Variants in GNAQ observed in about 807,000 individuals in gnomAD.
GNAQ encodes G protein subunit alpha q, also known as guanine nucleotide-binding protein G(q) subunit alpha.
In GNAQ, 8 loss-of-function variants were observed where a neutral mutation model predicts 43.9. The observed-to-expected ratio is 0.18, with a 90% CI of 0.11 to 0.33. GNAQ has a LOEUF of 0.33. Among genes scored for constraint, GNAQ ranks in the 10% least tolerant of loss-of-function variants. The probability of loss-of-function intolerance (pLI) is 1.00; values close to 1 mark genes in which losing one functional copy is unlikely to be tolerated. For missense variants in GNAQ, 158 were observed against 450.8 expected, an observed-to-expected ratio of 0.35 and a Z score of 5.88; for synonymous variants, 155 against 170.7, an observed-to-expected ratio of 0.91 and a Z score of 0.71.
chr9:77,924,348 A>G (rs528905073), intron 1 of GNAQ, among the ~76,000 whole-genome samples: 1 of 152,302 alleles, frequency 6.6e-6, no homozygotes, highest in South Asian at 2.1e-4. Flanking sequence ...CAAGCAATTA[A>G]AAGTATACAA....
At chr9:77,776,722 G>A (rs886230866) in intron 5 of GNAQ, among the ~76,000 whole-genome samples, 2 of 152,100 alleles carry the variant, frequency 1.3e-5, no homozygotes, top group African/African-American at 2.4e-5. Context: ...GAAAAATACT[G>A]TAATCCAACT....
In GNAQ at chr9:77,918,151, T is replaced by C. The variant is rs111571155; in HGVS notation, c.321+4010A>G. Among the ~76,000 whole-genome samples the C allele has an allele frequency of 8.4e-3, 1,285 of 152,250 alleles. 20 individuals carry two copies. Among genetic ancestry groups the C allele is most frequent in the African/African-American group, 0.03 (1,233 of 41,546 alleles). On this transcript the variant is annotated intron_variant, in intron 2 of 6. Coordinates refer to ENST00000286548, the MANE Select transcript of GNAQ (RefSeq NM_002072.5). ...GAATCAATTTCACAGCAAACAAAAC[T>C]GAACACTTTCCCAGTTCAGAAGAGC... is the stretch of plus-strand genomic sequence containing the variant.
chr9:77,865,686 T>C (rs1490235468), intron 2 of GNAQ, among the ~76,000 whole-genome samples: 2 of 152,156 alleles, frequency 1.3e-5, no homozygotes. Flanking sequence ...AGTCTCTCTG[T>C]CCCGTGGCAA....
At chr9:77,939,056 G>A (rs1829276174) in intron 1 of GNAQ, among the ~76,000 whole-genome samples, 1 of 152,182 alleles carries the variant, frequency 6.6e-6, no homozygotes, top group African/African-American at 2.4e-5. Context: ...GGTCTGCCCA[G>A]GCTGACCTGG....
intron 2 of GNAQ, among the ~76,000 whole-genome samples, chr9:77,881,768 G>T (rs1476380737): frequency 6.6e-6 from 1 of 152,124 alleles, no homozygotes; most frequent in African/African-American, 2.4e-5. Flanking sequence ...GTTTTTATGG[G>T]TATTAACCAA....
intron 5 of GNAQ, among the ~76,000 whole-genome samples, chr9:77,762,269 T>C (rs1244282107): frequency 5.1e-4 from 62 of 120,990 alleles, no homozygotes; most frequent in African/African-American, 6.3e-4. Flanking sequence ...GCCCCCCGCC[T>C]GGCCAGCCGC....
At chr9:77,979,876 G>GA (rs1257369285) in intron 1 of GNAQ, among the ~76,000 whole-genome samples, 8 of 152,088 alleles carry the variant, frequency 5.3e-5, no homozygotes, top group African/African-American at 1.7e-4. Context: ...TTTATTTGCT[G>GA]AAAAACAACG....
intron 2 of GNAQ, among the ~76,000 whole-genome samples, chr9:77,878,721 G>T (rs1167168705): frequency 6.6e-6 from 1 of 152,068 alleles, no homozygotes. Context: ...CATTTTAAAG[G>T]TAAGATATTT....
intron 2 of GNAQ, among the ~76,000 whole-genome samples, chr9:77,914,800 C>T (rs1828867645): frequency 6.9e-6 from 1 of 144,906 alleles, no homozygotes; most frequent in African/African-American, 2.6e-5. Flanking sequence ...CCACAAAAAC[C>T]TTCATCTGAT....
chr9:77,754,629 A>C (rs1294846043), intron 5 of GNAQ, among the ~76,000 whole-genome samples: 2 of 152,156 alleles, frequency 1.3e-5, no homozygotes, highest in Non-Finnish European at 2.9e-5. Context: ...TTGTTATGTA[A>C]GTGTTCTGCA....
rs187848269 is a variant in GNAQ, at chr9:77,884,250, C to T, written c.321+37911G>A. ...TCCTCCAGCACTTGCTTCTGGCAAG[C>T]CCCTGTGGGGGTGTGAAGGCTTGTT... On this transcript the variant is annotated intron_variant, in intron 2 of 6. Transcript: ENST00000286548. Among the ~76,000 whole-genome samples the T allele has an allele frequency of 1.0e-3, 156 of 152,290 alleles. 2 individuals are homozygous for T. Among genetic ancestry groups the T allele is most frequent in the Non-Finnish European group, 5.9e-5 (4 of 68,024 alleles).
intron 5 of GNAQ, among the ~76,000 whole-genome samples, chr9:77,762,035 C>T (rs1587904284): frequency 6.2e-5 from 8 of 129,956 alleles, no homozygotes; most frequent in South Asian, 5.0e-4. Context: ...AAGTGAGGAG[C>T]CCCTCTGCCC....
chr9:77,809,276 T>C (rs976038660), intron 3 of GNAQ, among the ~76,000 whole-genome samples: 4 of 152,196 alleles, frequency 2.6e-5, no homozygotes, highest in African/African-American at 9.7e-5. Context: ...TGAAGTAAGA[T>C]TAGAAATTAT....
At chr9:77,733,416 G>C (rs958658031) in intron 5 of GNAQ, among the ~76,000 whole-genome samples, 1 of 152,178 alleles carries the variant, frequency 6.6e-6, no homozygotes, top group Non-Finnish European at 1.5e-5. Context: ...GCTTGGCACT[G>C]TCTTTAATCT....
At chr9:77,849,043 C>G (rs758691755) in intron 2 of GNAQ, among the ~76,000 whole-genome samples, 1 of 152,152 alleles carries the variant, frequency 6.6e-6, no homozygotes, top group African/African-American at 2.4e-5. Context: ...GAGGAAAATT[C>G]GAGCTCAGTG....
chr9:77,755,739 T>G (rs892506527), intron 5 of GNAQ, among the ~76,000 whole-genome samples: 4 of 152,352 alleles, frequency 2.6e-5, no homozygotes, highest in Non-Finnish European at 5.9e-5. Context: ...GAAGGAGAGT[T>G]GTATTATGTT....
At chr9:77,737,976 G>T (rs1181118559) in intron 5 of GNAQ, among the ~76,000 whole-genome samples, 1 of 152,140 alleles carries the variant, frequency 6.6e-6, no homozygotes, top group African/African-American at 2.4e-5. Context: ...AGACAGTAGT[G>T]ACTCTTCTTT....
chr9:77,838,554 A>G (rs186843105), intron 2 of GNAQ, among the ~76,000 whole-genome samples: 1 of 151,900 alleles, frequency 6.6e-6, no homozygotes, highest in Non-Finnish European at 1.5e-5. Context: ...GGAAGCAACT[A>G]TATTTCTGCC....
intron 1 of GNAQ, among the ~76,000 whole-genome samples, chr9:77,927,743 C>T (rs1375469844): frequency 6.6e-6 from 1 of 152,104 alleles, no homozygotes; most frequent in Non-Finnish European, 1.5e-5. Flanking sequence ...TTATTTCACA[C>T]TGCCAGGGCC....
Sources: gnomAD v4.1 joint callset for allele counts (sites outside exome capture counted in the v4.1 genomes callset) on GRCh38, gnomAD v4.1.1 for gene constraint, MANE v1.5 for transcripts, NCBI Gene and HGNC (gene_info 2026-07-23, HGNC 2026-07-21) for gene names.